The following TFDP2 variants were observed in gnomAD, a reference collection of about 807,000 sequenced individuals.
TFDP2 encodes the protein transcription factor Dp-2.
A neutral mutation model predicts 59.3 loss-of-function variants in TFDP2; 17 were observed. The observed-to-expected ratio is 0.29, with a 90% confidence interval of 0.20 to 0.43. TFDP2 has a LOEUF of 0.43. Ranked by LOEUF, TFDP2 falls within the 20% of genes least tolerant of loss-of-function variation. The pLI is 1.00. For missense variants in TFDP2, 391 were observed against 528.8 expected, an observed-to-expected ratio of 0.74 and a Z score of 2.56; for synonymous variants, 180 against 194.7, an observed-to-expected ratio of 0.92 and a Z score of 0.63.
intron 11 of TFDP2, among the ~76,000 whole-genome samples, chr3:141,956,322 C>T (rs1435897855): frequency 3.3e-5 from 5 of 152,096 alleles, no homozygotes; most frequent in Non-Finnish European, 5.9e-5. Flanking sequence ...GAGGCCGAAG[C>T]GGGTGGATCA....
Position 142,043,773 on chromosome 3 carries a change from T to C in TFDP2, c.83-38229A>G, listed in dbSNP as rs1217209349. ...CCAGGAGCTTCTTGCGGGCCTTGTC[T>C]GCCTTCAGCTTGTGGATGTGCTCCA... On this transcript the variant is annotated intron_variant, in intron 3 of 12. Transcript: ENST00000489671. 6 of 1,593,678 alleles carry C rather than the reference T, an allele frequency of 3.8e-6. No individual in the cohort carries two copies. The East Asian group carries it at 1.1e-4, about 30-fold the overall frequency.
chr3:142,122,826 A>C (rs1298084428), intron 1 of TFDP2, among the ~76,000 whole-genome samples: 1 of 152,204 alleles, frequency 6.6e-6, no homozygotes, highest in Non-Finnish European at 1.5e-5. Context: ...AGATCTGGGC[A>C]GAGTATAGTT....
intron 3 of TFDP2, among the ~76,000 whole-genome samples, chr3:142,021,341 A>G (rs1945585516): frequency 6.6e-6 from 1 of 152,184 alleles, no homozygotes; most frequent in South Asian, 2.1e-4. Flanking sequence ...ACATTCCTAC[A>G]TATCACATAC....
At chr3:142,136,193 G>C (rs1173556650) in intron 1 of TFDP2, among the ~76,000 whole-genome samples, 1 of 152,022 alleles carries the variant, frequency 6.6e-6, no homozygotes, top group Non-Finnish European at 1.5e-5. Context: ...TGGCTGCATA[G>C]ATGTCTTCTT....
At chr3:142,099,441 C>T (rs908556239) in intron 2 of TFDP2, among the ~76,000 whole-genome samples, 3 of 152,190 alleles carry the variant, frequency 2.0e-5, no homozygotes, top group Non-Finnish European at 4.4e-5. Flanking sequence ...GTGGCTCACA[C>T]TTATAATCCC....
chr3:142,091,038 C>G (rs1270802641), intron 3 of TFDP2, among the ~76,000 whole-genome samples: 3 of 152,154 alleles, frequency 2.0e-5, no homozygotes, highest in Non-Finnish European at 4.4e-5. Context: ...TTTATTAGAG[C>G]AGAGATTCCC....
intron 3 of TFDP2, among the ~76,000 whole-genome samples, chr3:142,075,200 T>A (rs2060400430): frequency 6.6e-6 from 1 of 152,118 alleles, no homozygotes; most frequent in Non-Finnish European, 1.5e-5. Flanking sequence ...AGAAAATGAA[T>A]TAACTGTAAT....
At chr3:141,968,076 G>C (rs1057002098) in intron 9 of TFDP2, among the ~76,000 whole-genome samples, 1 of 151,768 alleles carries the variant, frequency 6.6e-6, no homozygotes, top group South Asian at 2.1e-4. Flanking sequence ...ACTGTGCAGG[G>C]ACAGGGACAA....
At chr3:142,040,583 A>T (rs568276007) in intron 3 of TFDP2, among the ~76,000 whole-genome samples, 1 of 152,178 alleles carries the variant, frequency 6.6e-6, no homozygotes, top group Non-Finnish European at 1.5e-5. Flanking sequence ...AGGCATTGCC[A>T]CCATGCCCGG....
chr3:142,060,876 A>G (rs1034847741), intron 3 of TFDP2, among the ~76,000 whole-genome samples: 3 of 152,276 alleles, frequency 2.0e-5, no homozygotes, highest in Non-Finnish European at 4.4e-5. Context: ...CCTGATGACA[A>G]CAGCCGACAG....
At position 142,093,041 on chromosome 3, in the gene TFDP2, T is replaced by A. The variant is rs1318489322; in HGVS notation, c.82+20A>T. Reference sequence around the variant, plus strand: ...ATAAAACTAACTTAATTCAGAAAAATTTTATTCAATAATCCTTACCTTTTG... The same window carrying A: ...ATAAAACTAACTTAATTCAGAAAAAATTTATTCAATAATCCTTACCTTTTG... On this transcript the variant is annotated intron_variant, in intron 3 of 12. Transcript: ENST00000489671. 6.7e-7 allele frequency: 1 copy of A among 1,502,710 alleles called. No individual in the cohort carries two copies. Among genetic ancestry groups the A allele is most frequent in the East Asian group, 2.5e-5 (1 of 40,566 alleles). The allele number at this position is 1,502,710 out of a possible 1,614,324, so 93.1% of individuals were successfully genotyped here.
chr3:142,113,597 T>C (rs890315076), intron 1 of TFDP2, among the ~76,000 whole-genome samples: 3 of 152,074 alleles, frequency 2.0e-5, no homozygotes, highest in Admixed American at 6.6e-5. Context: ...AATATATGTT[T>C]ATAGACAAAC....
At chr3:142,142,399 T>C (rs2062992151) in intron 1 of TFDP2, among the ~76,000 whole-genome samples, 1 of 151,940 alleles carries the variant, frequency 6.6e-6, no homozygotes, top group South Asian at 2.1e-4. Context: ...ACCAAAGAAG[T>C]GAAAGATCTC....
chr3:141,983,376 C>T (rs1941695987), intron 6 of TFDP2, among the ~76,000 whole-genome samples: 1 of 152,154 alleles, frequency 6.6e-6, no homozygotes, highest in Admixed American at 6.6e-5. Flanking sequence ...GTGGCTCGTG[C>T]CTGTAATCCC....
chr3:142,047,959 C>CTTGA, intron 3 of TFDP2, among the ~76,000 whole-genome samples: 1 of 152,018 alleles, frequency 6.6e-6, no homozygotes, highest in Admixed American at 6.5e-5. Flanking sequence ...CCAGGCTGAT[C>CTTGA]TTGAGTTCCT....
chr3:142,108,720 A>G (rs548072093), intron 1 of TFDP2, among the ~76,000 whole-genome samples: 70 of 152,274 alleles, frequency 4.6e-4, no homozygotes, highest in African/African-American at 1.6e-3. Flanking sequence ...TTAATGACTC[A>G]AATCTTTAAT....
At chr3:141,973,528 T>C (rs1386927713) in intron 8 of TFDP2, among the ~76,000 whole-genome samples, 4 of 152,344 alleles carry the variant, frequency 2.6e-5, no homozygotes, top group Admixed American at 2.0e-4. Context: ...AAAATGCTTC[T>C]GCATACATCA....
intron 3 of TFDP2, among the ~76,000 whole-genome samples, chr3:142,019,350 C>T (rs1945413035): frequency 6.6e-6 from 1 of 152,220 alleles, no homozygotes; most frequent in Admixed American, 6.5e-5. Flanking sequence ...AGGCGTGAGC[C>T]ACTGCGCCCG....
chr3:142,136,546 G>A (rs1423368248), intron 1 of TFDP2, among the ~76,000 whole-genome samples: 2 of 151,932 alleles, frequency 1.3e-5, no homozygotes, highest in Admixed American at 1.3e-4. Flanking sequence ...GGGTTTTTAT[G>A]GTTTTAGGTC....
Sources: allele counts gnomAD v4.1 joint callset (sites outside exome capture counted in the v4.1 genomes callset), GRCh38; gene constraint gnomAD v4.1.1; transcripts MANE v1.5; gene names NCBI Gene and HGNC (gene_info 2026-07-23, HGNC 2026-07-21).